Variants in RPAP2 observed in about 807,000 individuals in gnomAD.
The protein encoded by RPAP2 is putative RNA polymerase II subunit B1 CTD phosphatase RPAP2.
A neutral mutation model predicts 73.1 loss-of-function variants in RPAP2; 52 were observed. The observed-to-expected ratio is 0.71, with a 90% CI of 0.57 to 0.90. The LOEUF (loss-of-function observed/expected upper bound fraction) is 0.90, where lower values mean the gene tolerates loss of function less well. Among genes scored for constraint, RPAP2 ranks in the 40% least tolerant of loss-of-function variants. The pLI is 0.00. For missense variants in RPAP2, 598 were observed against 701.8 expected (o/e 0.85, Z 1.67); for synonymous variants, 225 against 242.1 (o/e 0.93, Z 0.65).
chr1:92,305,432 C>CAAAAAAAA lies in RPAP2; in HGVS notation c.399+1095_399+1102dup, dbSNP rs71091273. ...GGGGCAACAGAGTGAGGCTCCGTCT[C>CAAAAAAAA]AAAAAAAAAAAAAAAAAAAGACAAT... On this transcript the variant is annotated intron_variant, in intron 5 of 12. Coordinates refer to ENST00000610020, the MANE Select transcript of RPAP2 (RefSeq NM_024813.3). Among the ~76,000 whole-genome samples, 221 of 52,648 alleles carry CAAAAAAAA rather than the reference C, an allele frequency of 4.2e-3. 12 individuals carry two copies. The highest frequency in any genetic ancestry group is 0.016 in the East Asian group (12 of 728). The allele number at this position is 52,648 out of a possible 152,430, so 34.5% of individuals were successfully genotyped here. A position where few individuals can be genotyped will look rare whatever the true frequency, so the allele number is the denominator to read the frequency against.
At chr1:92,299,195 C>T (rs1650585325) in intron 1 of RPAP2, 49 bp downstream of exon 1, 1 of 1,211,560 alleles carries the variant, frequency 8.3e-7, no homozygotes, top group Admixed American at 2.7e-5. Flanking sequence ...AGCTGGGCCC[C>T]GATCTCGAGT....
chr1:92,380,803 G>GGTGTCTAGA lies in RPAP2; in HGVS notation c.1768_1769insGTGTCTAGA (p.Glu590delinsGlyValTer). ...ACGGTTTCTAGACACCCTCCTTGAA[G>GGTGTCTAGA]AATTACATCTAAAAAATGAAGACCT... On this transcript the variant is annotated stop_gained and protein_altering_variant, in exon 12 of 13. Coordinates refer to ENST00000610020, the MANE Select transcript of RPAP2 (RefSeq NM_024813.3). LOFTEE classifies it high-confidence loss of function. 1 of 1,608,002 alleles carries GGTGTCTAGA rather than the reference G, an allele frequency of 6.2e-7. No individual in the cohort carries two copies. The highest frequency in any genetic ancestry group is 8.5e-7 in the Non-Finnish European group (1 of 1,177,708).
intron 11 of RPAP2, among the ~76,000 whole-genome samples, chr1:92,379,711 T>C (rs771081865): frequency 3.3e-5 from 5 of 149,712 alleles, no homozygotes; most frequent in Non-Finnish European, 7.4e-5. Context: ...AAGGCAGGTA[T>C]ATTGTTTCAG....
chr1:92,376,393 T>C (rs1369148280), intron 11 of RPAP2, among the ~76,000 whole-genome samples: 1 of 152,156 alleles, frequency 6.6e-6, no homozygotes, highest in Non-Finnish European at 1.5e-5. Flanking sequence ...TACAAGGGAA[T>C]AAATAAGATT....
chr1:92,380,637 T>C (rs1012253738), intron 11 of RPAP2, 87 bp from the exon 12 acceptor site: 4 of 899,726 alleles, frequency 4.4e-6, no homozygotes, highest in Non-Finnish European at 6.4e-6. Context: ...ATTATTCTCA[T>C]AAAATTTTCT....
chr1:92,301,511 T>C lies in RPAP2; in HGVS notation c.155T>C (p.Ile52Thr), dbSNP rs749684168. The C allele has an allele frequency of 1.4e-5, 22 of 1,594,942 alleles. No individual in the cohort carries two copies. Among genetic ancestry groups the C allele is most frequent in the East Asian group, 6.8e-5 (3 of 44,072 alleles). The change falls in exon 3 of 13, where the codon ATT becomes ACT. Residue 52 changes from isoleucine to threonine, a missense_variant. Physicochemically the swap from Ile to Thr is moderately conservative, Grantham distance 89. This residue lies in a region of RPAP2 where 506 missense variants were observed against 612.8 expected (regional missense o/e 0.83). Coordinates refer to ENST00000610020, the MANE Select transcript of RPAP2 (RefSeq NM_024813.3). ...CTAGAAGCAGCTGTGAGAAAGAAGA[T>C]TGAATTTGAGAGAAAAGCTCTACAT... The part of the protein sequence containing the change: ...AELEAAVRKK[I>T]EFERKALHIV...
rs1651469897 is a variant in RPAP2, at chr1:92,309,602, TAC to T, written c.488+2330_488+2331del. Reference sequence around the variant, plus strand: ...ATATACATACACATACACATACACATACACATACACATACACATACACATATA... The same window carrying T: ...ATATACATACACATACACATACACATACATACACATACACATACACATATA... On this transcript the variant is annotated intron_variant, in intron 6 of 12. Coordinates refer to ENST00000610020, the MANE Select transcript of RPAP2 (RefSeq NM_024813.3). Among the ~76,000 whole-genome samples the T allele has an allele frequency of 2.6e-5, 4 of 151,222 alleles. No homozygotes were observed. The South Asian group carries it at 8.3e-4, about 32-fold the overall frequency.
intron 8 of RPAP2, among the ~76,000 whole-genome samples, chr1:92,327,763 T>C (rs181214678): frequency 1.6e-4 from 24 of 152,290 alleles, no homozygotes; most frequent in Admixed American, 6.5e-4. Flanking sequence ...GTGAGATTTA[T>C]GCTTTAAAGA....
At chr1:92,373,796 C>A (rs1655274597) in intron 11 of RPAP2, among the ~76,000 whole-genome samples, 1 of 145,224 alleles carries the variant, frequency 6.9e-6, no homozygotes, top group Non-Finnish European at 1.5e-5. Context: ...GGTGGCGCAC[C>A]TGTAATCCCA....
intron 11 of RPAP2, among the ~76,000 whole-genome samples, chr1:92,347,299 T>C (rs1350879501): frequency 6.6e-6 from 1 of 152,204 alleles, no homozygotes; most frequent in African/African-American, 2.4e-5. Flanking sequence ...TTTATGAAAT[T>C]TGTAAATATT....
At position 92,391,793 on chromosome 1, in the gene RPAP2, TA is replaced by T. The variant is rs879687449; in HGVS notation, c.*4785del. 1 of 152,136 alleles carries T rather than the reference TA, an allele frequency of 6.6e-6. No individual in the cohort carries two copies. Among genetic ancestry groups the T allele is most frequent in the Non-Finnish European group, 1.5e-5 (1 of 68,030 alleles). 9.4% of individuals were successfully genotyped at this position (152,136 alleles called of 1,614,324 possible). On this transcript the variant is annotated 3_prime_UTR_variant, in exon 13 of 13. Coordinates refer to ENST00000610020, the MANE Select transcript of RPAP2 (RefSeq NM_024813.3). Reference sequence around the variant, plus strand: ...AACTAGAAAATCTAGAAGAAATGGATAAATTCCTCGACACATACACCCTCCC... The same window carrying T: ...AACTAGAAAATCTAGAAGAAATGGATAATTCCTCGACACATACACCCTCCC...
chr1:92,306,168 G>GA (rs1651217609), intron 5 of RPAP2, among the ~76,000 whole-genome samples: 1 of 152,142 alleles, frequency 6.6e-6, no homozygotes, highest in Non-Finnish European at 1.5e-5. Context: ...GAGGTACCTA[G>GA]AGAAGTCAGA....
intron 11 of RPAP2, among the ~76,000 whole-genome samples, chr1:92,380,291 AC>A (rs1246943681): frequency 2.0e-5 from 3 of 151,332 alleles, no homozygotes; most frequent in East Asian, 1.9e-4. Flanking sequence ...AAAAAAAAAA[AC>A]AAATAAAATT....
intron 6 of RPAP2, among the ~76,000 whole-genome samples, chr1:92,319,810 C>A (rs368600333): frequency 6.6e-6 from 1 of 152,062 alleles, no homozygotes; most frequent in African/African-American, 2.4e-5. Flanking sequence ...ACCAGCCTGA[C>A]CAACATGGAG....
In RPAP2 at chr1:92,367,075, T is replaced by G. The variant is rs1415755700; in HGVS notation, c.1689-13649T>G. 2.0e-5 allele frequency among the ~76,000 whole-genome samples: 3 copies of G among 152,220 alleles called. No homozygotes were observed. The East Asian group carries it at 5.8e-4, about 29-fold the overall frequency. On this transcript the variant is annotated intron_variant, in intron 11 of 12. Transcript: ENST00000610020. ...GATAAGCAAATAAACAAGATACCTT[T>G]GTGATAAAGGTCTCCACTTTTAGCA...
chr1:92,334,213 C>T (rs1457429610), intron 9 of RPAP2, among the ~76,000 whole-genome samples: 1 of 152,060 alleles, frequency 6.6e-6, no homozygotes, highest in African/African-American at 2.4e-5. Context: ...TCACATTAAC[C>T]AAGGCATAAA....
intron 11 of RPAP2, among the ~76,000 whole-genome samples, chr1:92,360,890 A>G (rs1396621565): frequency 1.3e-5 from 2 of 151,984 alleles, no homozygotes; most frequent in African/African-American, 2.4e-5. Context: ...CCACAGGTCA[A>G]TTATTCCCCT....
intron 11 of RPAP2, among the ~76,000 whole-genome samples, chr1:92,353,306 C>T (rs1654307978): frequency 6.6e-6 from 1 of 152,122 alleles, no homozygotes; most frequent in Non-Finnish European, 1.5e-5. Context: ...TACATTTCCA[C>T]TAGCAAAGTA....
intron 10 of RPAP2, among the ~76,000 whole-genome samples, chr1:92,342,355 G>A (rs1422359481): frequency 6.6e-6 from 1 of 152,186 alleles, no homozygotes; most frequent in East Asian, 1.9e-4. Context: ...TATTTAGGTT[G>A]CTGGTGAGGC....
Sources: allele counts gnomAD v4.1 joint callset (sites outside exome capture counted in the v4.1 genomes callset), GRCh38; gene constraint gnomAD v4.1.1; regional missense constraint gnomAD v4.1.1; transcripts MANE v1.5; gene names NCBI Gene and HGNC (gene_info 2026-07-23, HGNC 2026-07-21).